Variants in GLIS3 observed in about 807,000 individuals in gnomAD.
The protein encoded by GLIS3 is GLIS family zinc finger 3, also known as zinc finger protein GLIS3.
In GLIS3, 53 loss-of-function variants were observed where a neutral mutation model predicts 78.6. The observed-to-expected ratio is 0.67, with a 90% CI of 0.54 to 0.85. The LOEUF (loss-of-function observed/expected upper bound fraction) is 0.85, where lower values mean the gene tolerates loss of function less well. Ranked by LOEUF, GLIS3 falls within the 40% of genes least tolerant of loss-of-function variation. GLIS3 has a pLI of 0.00. For missense variants in GLIS3, 1,703 were observed against 1,231.1 expected (o/e 1.38, Z -5.74); for synonymous variants, 684 against 509.9 (o/e 1.34, Z -4.60).
At chr9:4,249,101 C>T (rs1020813032) in intron 2 of GLIS3, among the ~76,000 whole-genome samples, 6 of 151,950 alleles carry the variant, frequency 3.9e-5, no homozygotes, top group South Asian at 2.1e-4. Context: ...AGGGTTGTCT[C>T]GGCTATATGG....
chr9:4,105,924 T>C (rs1830716007), intron 4 of GLIS3, among the ~76,000 whole-genome samples: 1 of 152,126 alleles, frequency 6.6e-6, no homozygotes. Context: ...GTCAATTCAC[T>C]AGGCTGCTGG....
intron 2 of GLIS3, among the ~76,000 whole-genome samples, chr9:4,271,871 G>A (rs1826545871): frequency 6.6e-6 from 1 of 152,182 alleles, no homozygotes. Flanking sequence ...AGCAAACCTG[G>A]ATTCAGTTCC....
intron 8 of GLIS3, among the ~76,000 whole-genome samples, chr9:3,864,720 TAAGACTCAACATTTGACTAGAG>T (rs1322341601): frequency 6.6e-6 from 1 of 152,128 alleles, no homozygotes; most frequent in Non-Finnish European, 1.5e-5. Context: ...CTCTTAAAGA[TAAGACTCAACATTTGACTAGAG>T]AAATGAATGG....
At chr9:3,861,788 G>T (rs1254892027) in intron 8 of GLIS3, among the ~76,000 whole-genome samples, 1 of 152,154 alleles carries the variant, frequency 6.6e-6, no homozygotes, top group Non-Finnish European at 1.5e-5. Flanking sequence ...CCTGTTAGTG[G>T]GTGCAGGGGA....
chr9:4,090,921 C>T (rs1829444184), intron 4 of GLIS3, among the ~76,000 whole-genome samples: 1 of 152,216 alleles, frequency 6.6e-6, no homozygotes. Context: ...TAGAATCTGA[C>T]TGCAAACCCT....
Position 4,019,300 on chromosome 9 carries a change from G to GA in GLIS3, c.1711-82112dup, listed in dbSNP as rs1370688883. Among the ~76,000 whole-genome samples the GA allele has an allele frequency of 3.9e-5, 6 of 152,134 alleles. No homozygotes were observed. In the East Asian group the frequency reaches 1.2e-3, roughly 29 times the overall value. On this transcript the variant is annotated intron_variant, in intron 4 of 10. Transcript: ENST00000381971. ...TCATTAGAAGGTAATGGTGGCCCAG[G>GA]AGGTTAAGTCATTTGCCTGACATCA...
chr9:4,190,173 G>C (rs376942704), intron 2 of GLIS3, among the ~76,000 whole-genome samples: 5 of 152,200 alleles, frequency 3.3e-5, no homozygotes, highest in Non-Finnish European at 5.9e-5. Flanking sequence ...ACGGAACAAA[G>C]CTGGACGGAG....
At chr9:4,408,155 C>T in the GLIS3 span, among the ~76,000 whole-genome samples, 1 of 152,050 alleles carries the variant, frequency 6.6e-6, no homozygotes, top group African/African-American at 2.4e-5. Flanking sequence ...AACCCTCGTA[C>T]GCTGTCAGTG....
intron 6 of GLIS3, among the ~76,000 whole-genome samples, chr9:3,929,240 C>T (rs972987793): frequency 1.3e-5 from 2 of 152,166 alleles, no homozygotes; most frequent in African/African-American, 2.4e-5. Context: ...GTCTGTACAT[C>T]GGCTGATGGG....
chr9:4,089,111 T>C (rs1309846534), intron 4 of GLIS3, among the ~76,000 whole-genome samples: 1 of 152,240 alleles, frequency 6.6e-6, no homozygotes, highest in Non-Finnish European at 1.5e-5. Context: ...TAGTCCCAAA[T>C]ATTTTGATGT....
intron 4 of GLIS3, among the ~76,000 whole-genome samples, chr9:4,045,719 A>G (rs1227398449): frequency 3.3e-5 from 5 of 152,160 alleles, no homozygotes; most frequent in African/African-American, 1.2e-4. Context: ...GGAAAGAATC[A>G]GACAAGAGGC....
chr9:4,450,484 G>A, the GLIS3 span, among the ~76,000 whole-genome samples: 4 of 151,978 alleles, frequency 2.6e-5, no homozygotes, highest in East Asian at 1.9e-4. Context: ...TTCAAATTCA[G>A]GAAATACAGA....
At chr9:4,231,560 T>C (rs1419185469) in intron 2 of GLIS3, among the ~76,000 whole-genome samples, 1 of 152,156 alleles carries the variant, frequency 6.6e-6, no homozygotes, top group South Asian at 2.1e-4. Flanking sequence ...CACATCTAGA[T>C]ACATTATGAT....
chr9:4,218,353 A>C (rs1186261787), intron 2 of GLIS3, among the ~76,000 whole-genome samples: 1 of 151,858 alleles, frequency 6.6e-6, no homozygotes, highest in Non-Finnish European at 1.5e-5. Context: ...ATCTCGGCTC[A>C]CTGCAAGCTC....
intron 4 of GLIS3, chr9:4,305,217 C>CTTTCCTTCCTGACTTCCA (rs1817198353): frequency 6.6e-6 from 1 of 152,170 alleles, no homozygotes; most frequent in African/African-American, 2.4e-5. Context: ...GGGCAGGAAA[C>CTTTCCTTCCTGACTTCCA]CCTACTTCCA....
chr9:4,185,435 GT>G (rs904653804), intron 2 of GLIS3, among the ~76,000 whole-genome samples: 1 of 152,136 alleles, frequency 6.6e-6, no homozygotes, highest in African/African-American at 2.4e-5. Context: ...ATGTCTTTGT[GT>G]TGACGTACTA....
chr9:4,297,105 A>T (rs1299303701), intron 1 of GLIS3, among the ~76,000 whole-genome samples: 1 of 151,342 alleles, frequency 6.6e-6, no homozygotes, highest in Non-Finnish European at 1.5e-5. Context: ...AACCAACACA[A>T]GTCGATTTTG....
At chr9:3,912,007 G>C (rs75001735) in intron 6 of GLIS3, among the ~76,000 whole-genome samples, 1 of 152,016 alleles carries the variant, frequency 6.6e-6, no homozygotes, top group East Asian at 1.9e-4. Context: ...TGGAGACTTC[G>C]GGGTCAAATA....
intron 9 of GLIS3, among the ~76,000 whole-genome samples, chr9:3,842,757 AG>A (rs1209825353): frequency 6.6e-6 from 1 of 152,230 alleles, no homozygotes; most frequent in East Asian, 1.9e-4. Context: ...TAAAAGTTTG[AG>A]AGGCTCTAAG....
Sources: gnomAD v4.1 joint callset for allele counts (sites outside exome capture counted in the v4.1 genomes callset) on GRCh38, gnomAD v4.1.1 for gene constraint, MANE v1.5 for transcripts, NCBI Gene and HGNC (gene_info 2026-07-23, HGNC 2026-07-21) for gene names.